The following RBFOX1 variants were observed in gnomAD, a reference collection of about 807,000 sequenced individuals.
RBFOX1 encodes the protein RNA binding protein fox-1 homolog 1.
A neutral mutation model predicts 57.7 loss-of-function variants in RBFOX1; 8 were observed. That is an observed-to-expected ratio of 0.14 (90% CI 0.08 to 0.25). The LOEUF (loss-of-function observed/expected upper bound fraction) is 0.25, where lower values mean the gene tolerates loss of function less well. Ranked by LOEUF, RBFOX1 falls within the 10% of genes least tolerant of loss-of-function variation. RBFOX1 has a pLI of 1.00. For synonymous variants in RBFOX1, 326 were observed against 222.4 expected, an observed-to-expected ratio of 1.47 and a Z score of -4.15; for missense variants, 611 against 548.5, an observed-to-expected ratio of 1.11 and a Z score of -1.14.
At chr16:6,200,695 A>G (rs1188008240) in intron 1 of RBFOX1, among the ~76,000 whole-genome samples, 2 of 152,278 alleles carry the variant, frequency 1.3e-5, no homozygotes, top group Admixed American at 6.5e-5. Flanking sequence ...GAAGTTCACA[A>G]GTTTGCTTGG....
At chr16:5,905,944 G>A (rs554236749) in intron 4 of RBFOX1, among the ~76,000 whole-genome samples, 1 of 152,304 alleles carries the variant, frequency 6.6e-6, no homozygotes, top group Admixed American at 6.5e-5. Context: ...CTCTCTTGTA[G>A]TGGGAATTGG....
Position 7,000,301 on chromosome 16 carries a change from A to G in RBFOX1, c.-15-51756A>G, listed in dbSNP as rs967639486. Among the ~76,000 whole-genome samples the G allele has an allele frequency of 5.3e-5, 8 of 152,106 alleles. No individual in the cohort carries two copies. In the East Asian group the frequency reaches 1.4e-3, roughly 26 times the overall value. The stretch of plus-strand genomic sequence containing the variant: ...CATTTTTAAAGTTTTATTATCAGAA[A>G]TTTAAACATGATCGATATGTCTCAA... On this transcript the variant is annotated intron_variant, in intron 3 of 15. Coordinates refer to ENST00000550418, the MANE Select transcript of RBFOX1 (RefSeq NM_018723.4).
chr16:7,215,765 T>C (rs1031741270), intron 4 of RBFOX1, among the ~76,000 whole-genome samples: 20 of 150,544 alleles, frequency 1.3e-4, no homozygotes, highest in East Asian at 4.0e-4. Context: ...TGCTCTGTTG[T>C]CCAGGCGGGA....
At chr16:6,160,551 G>T (rs1016201654) in intron 1 of RBFOX1, among the ~76,000 whole-genome samples, 9 of 152,096 alleles carry the variant, frequency 5.9e-5, no homozygotes, top group African/African-American at 1.9e-4. Context: ...CTCATACACA[G>T]ATCCTGCATC....
At chr16:6,945,414 A>T (rs1272193782) in intron 3 of RBFOX1, among the ~76,000 whole-genome samples, 4 of 147,500 alleles carry the variant, frequency 2.7e-5, no homozygotes, top group Non-Finnish European at 6.1e-5. Context: ...GCCATGCAGG[A>T]ATGTAGATCC....
chr16:5,961,211 A>G (rs2059741522), intron 4 of RBFOX1, among the ~76,000 whole-genome samples: 1 of 152,064 alleles, frequency 6.6e-6, no homozygotes, highest in African/African-American at 2.4e-5. Flanking sequence ...TTTATTCAGC[A>G]TTGCTTAATA....
rs763806016 is a variant in RBFOX1, at chr16:7,710,577, A to T, written c.1072-46A>T. 3.1e-6 allele frequency: 5 copies of T among 1,607,848 alleles called. No homozygotes were observed. In the South Asian group the frequency reaches 4.4e-5, roughly 14 times the overall value. ...GTCTTTTTGATGATCCACATGTTGC[A>T]AAAGGAAAATGTAAAAAACACACCC... On this transcript the variant is annotated intron_variant, in intron 15 of 15. Coordinates refer to ENST00000550418, the MANE Select transcript of RBFOX1 (RefSeq NM_018723.4).
At chr16:6,812,680 G>T (rs1603627872) in intron 3 of RBFOX1, among the ~76,000 whole-genome samples, 1 of 152,192 alleles carries the variant, frequency 6.6e-6, no homozygotes, top group East Asian at 1.9e-4. Context: ...CCTGGCCTTG[G>T]TTCAGTTTTT....
chr16:7,190,960 A>C (rs1385384665), intron 4 of RBFOX1, among the ~76,000 whole-genome samples: 7 of 151,870 alleles, frequency 4.6e-5, no homozygotes, highest in African/African-American at 1.7e-4. Flanking sequence ...TAATCATCTC[A>C]ATCAGAACCT....
At chr16:7,351,149 A>G (rs546374066) in intron 4 of RBFOX1, among the ~76,000 whole-genome samples, 41 of 152,316 alleles carry the variant, frequency 2.7e-4, no homozygotes, top group Admixed American at 9.8e-4. Context: ...TTATGACCAC[A>G]GGGGACAACT....
chr16:5,718,844 G>A (rs11642300), intron 3 of RBFOX1, among the ~76,000 whole-genome samples: 84,901 of 151,756 alleles, frequency 0.56, 26,659 homozygotes, highest in Non-Finnish European at 0.72. Context: ...GGGAGGCTGA[G>A]GTCGCAGTGA....
chr16:5,750,643 T>A (rs946741046), intron 3 of RBFOX1, among the ~76,000 whole-genome samples: 2 of 152,194 alleles, frequency 1.3e-5, no homozygotes, highest in Non-Finnish European at 2.9e-5. Flanking sequence ...AGTGAGGCTT[T>A]GTGGGCGTGG....
chr16:5,956,117 A>C (rs2059633660), intron 4 of RBFOX1, among the ~76,000 whole-genome samples: 1 of 152,050 alleles, frequency 6.6e-6, no homozygotes, highest in Non-Finnish European at 1.5e-5. Context: ...CTCTACAAGT[A>C]ATACCAAAAT....
intron 2 of RBFOX1, among the ~76,000 whole-genome samples, chr16:5,468,740 G>T (rs866912298): frequency 6.6e-6 from 1 of 152,186 alleles, no homozygotes; most frequent in African/African-American, 2.4e-5. Flanking sequence ...CTACAACTTG[G>T]ATGAATCTTG....
intron 7 of RBFOX1, among the ~76,000 whole-genome samples, chr16:7,591,772 T>C (rs553130917): frequency 7.2e-5 from 11 of 152,328 alleles, no homozygotes; most frequent in Middle Eastern, 3.4e-3. Flanking sequence ...AAGCTCAGAA[T>C]GTGCTTGTTT....
intron 4 of RBFOX1, among the ~76,000 whole-genome samples, chr16:7,205,821 T>G (rs548830626): frequency 2.0e-4 from 30 of 152,360 alleles, no homozygotes; most frequent in Middle Eastern, 3.4e-3. Flanking sequence ...ACCTTACCAC[T>G]GAGAGAACTG....
At chr16:6,848,658 G>A (rs981544095) in intron 3 of RBFOX1, among the ~76,000 whole-genome samples, 6 of 151,638 alleles carry the variant, frequency 4.0e-5, no homozygotes, top group African/African-American at 1.5e-4. Flanking sequence ...AGGAGGGAGG[G>A]AAAAAAGCAA....
At chr16:6,277,971 A>G (rs542912088) in intron 1 of RBFOX1, among the ~76,000 whole-genome samples, 1 of 152,226 alleles carries the variant, frequency 6.6e-6, no homozygotes, top group South Asian at 2.1e-4. Flanking sequence ...CCAAGTAATC[A>G]TTGGGTAGGT....
intron 3 of RBFOX1, among the ~76,000 whole-genome samples, chr16:6,797,793 G>T (rs1252688998): frequency 6.6e-6 from 1 of 152,058 alleles, no homozygotes; most frequent in East Asian, 1.9e-4. Flanking sequence ...AATATCATTT[G>T]GTAAGAAGTA....
Sources: allele counts gnomAD v4.1 joint callset (sites outside exome capture counted in the v4.1 genomes callset), GRCh38; gene constraint gnomAD v4.1.1; transcripts MANE v1.5; gene names NCBI Gene and HGNC (gene_info 2026-07-23, HGNC 2026-07-21).